Variants in TENM3 observed in about 807,000 individuals in gnomAD.
The protein encoded by TENM3 is teneurin transmembrane protein 3, also known as teneurin-3.
TENM3 carries 63 observed loss-of-function variants against 255.1 expected under a neutral mutation model. The ratio of observed to expected loss-of-function variants is 0.25; its 90% confidence interval spans 0.20 to 0.30. TENM3 has a LOEUF of 0.30. Ranked by LOEUF, TENM3 falls within the 10% of genes least tolerant of loss-of-function variation. The pLI is 1.00. For missense variants in TENM3, 2,929 were observed against 3,461.1 expected, an observed-to-expected ratio of 0.85 and a Z score of 3.86; for synonymous variants, 1,306 against 1,322.3, an observed-to-expected ratio of 0.99 and a Z score of 0.27.
At chr4:181,467,150 G>C in the TENM3 span, among the ~76,000 whole-genome samples, 1 of 50,304 alleles carries the variant, frequency 2.0e-5, no homozygotes, top group African/African-American at 1.0e-4. Flanking sequence ...TTTTTTTTTA[G>C]GCAGAGTCTC....
At chr4:182,763,989 A>G (rs948605039) in intron 22 of TENM3, among the ~76,000 whole-genome samples, 1 of 152,214 alleles carries the variant, frequency 6.6e-6, no homozygotes, top group Non-Finnish European at 1.5e-5. Flanking sequence ...TTTAAAGTGT[A>G]CCCCATTCTC....
chr4:182,056,139 G>A, the TENM3 span, among the ~76,000 whole-genome samples: 1 of 152,020 alleles, frequency 6.6e-6, no homozygotes, highest in East Asian at 1.9e-4. Context: ...ACTGAGTTAC[G>A]TGAAATTCTC....
chr4:181,886,381 T>C, the TENM3 span, among the ~76,000 whole-genome samples: 1 of 152,206 alleles, frequency 6.6e-6, no homozygotes, highest in African/African-American at 2.4e-5. Context: ...TTCATTAAGT[T>C]GTGCTAAAAA....
the TENM3 span, among the ~76,000 whole-genome samples, chr4:181,755,050 T>C: frequency 1.3e-5 from 2 of 152,192 alleles, no homozygotes; most frequent in Non-Finnish European, 2.9e-5. Flanking sequence ...GTATCAGACA[T>C]GAGGGTCAGC....
At chr4:182,088,105 C>T in the TENM3 span, among the ~76,000 whole-genome samples, 4 of 152,180 alleles carry the variant, frequency 2.6e-5, no homozygotes, top group Non-Finnish European at 4.4e-5. Flanking sequence ...AAGATTTATA[C>T]ATATACACAC....
Position 182,485,680 on chromosome 4 carries a change from G to A in TENM3, c.512-115244G>A, listed in dbSNP as rs114221018. On this transcript the variant is annotated intron_variant, in intron 3 of 27. Coordinates refer to ENST00000511685, the MANE Select transcript of TENM3 (RefSeq NM_001080477.4). ...TTTATCTGTGGGTTTCTGGAATTTG[G>A]TATTTTAAACTAAAATCTGAAAAAC... is the stretch of plus-strand genomic sequence containing the variant. 8.8e-3 allele frequency among the ~76,000 whole-genome samples: 1,332 copies of A among 152,098 alleles called. 9 individuals carry two copies. Among genetic ancestry groups the A allele is most frequent in the African/African-American group, 0.031 (1,274 of 41,498 alleles).
chr4:181,819,082 C>G, the TENM3 span, among the ~76,000 whole-genome samples: 3 of 152,158 alleles, frequency 2.0e-5, no homozygotes, highest in African/African-American at 7.2e-5. Context: ...AGGTGAGCCC[C>G]GAAGGACCTC....
At chr4:182,329,501 T>G (rs1460748956) in intron 2 of TENM3, among the ~76,000 whole-genome samples, 3 of 152,184 alleles carry the variant, frequency 2.0e-5, no homozygotes, top group African/African-American at 7.2e-5. Context: ...TTCCCGCTCT[T>G]TCTTAAAGCA....
At chr4:182,289,787 A>G (rs73005412) in intron 1 of TENM3, among the ~76,000 whole-genome samples, 5,424 of 152,252 alleles carry the variant, frequency 0.036, 123 homozygotes, top group African/African-American at 0.051. Flanking sequence ...GTTGAATTTA[A>G]TGGGATGATT....
intron 5 of TENM3, among the ~76,000 whole-genome samples, chr4:182,641,209 C>A (rs1221992879): frequency 2.6e-5 from 4 of 152,218 alleles, no homozygotes; most frequent in Admixed American, 6.5e-5. Context: ...TGCAAACACA[C>A]ACACGTATAC....
At chr4:182,113,178 T>G in the TENM3 span, among the ~76,000 whole-genome samples, 1 of 152,236 alleles carries the variant, frequency 6.6e-6, no homozygotes, top group Non-Finnish European at 1.5e-5. Flanking sequence ...TATCTGGAAG[T>G]GACTTGTGCT....
At chr4:182,557,609 T>C (rs1742700721) in intron 3 of TENM3, among the ~76,000 whole-genome samples, 1 of 152,208 alleles carries the variant, frequency 6.6e-6, no homozygotes, top group Non-Finnish European at 1.5e-5. Context: ...TGATTGAATC[T>C]ACATATAGTC....
the TENM3 span, among the ~76,000 whole-genome samples, chr4:181,968,992 C>CTCTATATA: frequency 2.6e-4 from 30 of 116,092 alleles, 1 homozygote; most frequent in South Asian, 5.0e-3. Context: ...CTCTCTCTCT[C>CTCTATATA]TATATACATA....
At chr4:181,798,090 A>T in the TENM3 span, among the ~76,000 whole-genome samples, 18 of 149,900 alleles carry the variant, frequency 1.2e-4, no homozygotes, top group East Asian at 3.2e-3. Flanking sequence ...TTTCAAAATA[A>T]GTGTGTGTGT....
the TENM3 span, chr4:181,523,082 G>C: frequency 1.9e-6 from 1 of 532,584 alleles, no homozygotes; most frequent in Non-Finnish European, 3.6e-6. Context: ...ATGGGACAAA[G>C]ACATCTTTGA....
intron 3 of TENM3, among the ~76,000 whole-genome samples, chr4:182,401,049 C>A (rs1769187056): frequency 6.6e-6 from 1 of 152,166 alleles, no homozygotes; most frequent in South Asian, 2.1e-4. Context: ...AATATTATAG[C>A]CAGAACATTC....
intron 6 of TENM3, 49 bp from the exon 7 acceptor site, chr4:182,672,956 G>GTT (rs200135918): frequency 7.4e-7 from 1 of 1,350,230 alleles, no homozygotes; most frequent in South Asian, 1.4e-5. Flanking sequence ...TTTTTGTTTT[G>GTT]TTTTTTTAAA....
At chr4:182,025,092 G>A in the TENM3 span, among the ~76,000 whole-genome samples, 8 of 146,026 alleles carry the variant, frequency 5.5e-5, no homozygotes, top group African/African-American at 1.8e-4. Flanking sequence ...GCAGTGGCGC[G>A]ACCTCGGCTC....
chr4:182,552,782 AGTT>A (rs1379916132), intron 3 of TENM3, among the ~76,000 whole-genome samples: 1 of 152,210 alleles, frequency 6.6e-6, no homozygotes, highest in Non-Finnish European at 1.5e-5. Context: ...AGAACACAGG[AGTT>A]ATTTTAATAT....
Sources: gnomAD v4.1 joint callset for allele counts (sites outside exome capture counted in the v4.1 genomes callset) on GRCh38, gnomAD v4.1.1 for gene constraint, MANE v1.5 for transcripts, NCBI Gene and HGNC (gene_info 2026-07-23, HGNC 2026-07-21) for gene names.